Variants in ZNF385B observed in about 807,000 individuals in gnomAD.
ZNF385B encodes the protein zinc finger protein 385B, also known as zinc finger protein 533.
Under a neutral mutation model 39.2 loss-of-function variants are expected in ZNF385B, and 23 were observed. The ratio of observed to expected loss-of-function variants is 0.59; its 90% CI spans 0.42 to 0.83. The LOEUF (loss-of-function observed/expected upper bound fraction) is 0.83, where lower values mean the gene tolerates loss of function less well. Among genes scored for constraint, ZNF385B ranks in the 40% least tolerant of loss-of-function variants. The pLI is 0.00. For missense variants in ZNF385B, 552 were observed against 598.9 expected, an observed-to-expected ratio of 0.92 and a Z score of 0.82; for synonymous variants, 205 against 222.6, an observed-to-expected ratio of 0.92 and a Z score of 0.70.
intron 6 of ZNF385B, among the ~76,000 whole-genome samples, chr2:179,454,335 G>A (rs1437804491): frequency 1.3e-5 from 2 of 152,130 alleles, no homozygotes; most frequent in Non-Finnish European, 2.9e-5. Context: ...ATGTGCTTAT[G>A]GTGATTCTGG....
At chr2:179,729,032 G>A (rs17772551) in intron 3 of ZNF385B, among the ~76,000 whole-genome samples, 17,689 of 147,480 alleles carry the variant, frequency 0.12, 1,254 homozygotes, top group Non-Finnish European at 0.16. Flanking sequence ...ACATAGTGAA[G>A]TAAAAACACG....
chr2:179,839,342 G>C (rs896216385), intron 1 of ZNF385B, among the ~76,000 whole-genome samples: 1 of 152,066 alleles, frequency 6.6e-6, no homozygotes, highest in African/African-American at 2.4e-5. Flanking sequence ...ACACCAACTT[G>C]GAGCTCTCTT....
At chr2:179,747,207 A>G (rs144312723) in intron 3 of ZNF385B, among the ~76,000 whole-genome samples, 184 of 152,286 alleles carry the variant, frequency 1.2e-3, no homozygotes, top group African/African-American at 4.1e-3. Flanking sequence ...TACGTAACAC[A>G]GCATTCTGGA....
Position 179,443,046 on chromosome 2 carries a change from T to C in ZNF385B, c.*204A>G. The C allele has an allele frequency of 4.6e-6, 3 of 653,810 alleles. No individual in the cohort carries two copies. The highest frequency in any genetic ancestry group is 8.1e-6 in the Non-Finnish European group (3 of 369,824). 40.5% of individuals were successfully genotyped at this position (653,810 alleles called of 1,614,324 possible). On this transcript the variant is annotated 3_prime_UTR_variant, in exon 10 of 10. Transcript: ENST00000410066. The stretch of plus-strand genomic sequence containing the variant: ...AGTAGGGAGATAAAGCCTATGCTGC[T>C]GATTCCTCAATTATAGGAGCAGTCT...
At chr2:179,464,459 C>T (rs1279916667) in intron 6 of ZNF385B, among the ~76,000 whole-genome samples, 10 of 152,062 alleles carry the variant, frequency 6.6e-5, no homozygotes, top group Admixed American at 6.6e-4. Context: ...CCAGGTTTTC[C>T]TCTAGGATTT....
At chr2:179,597,817 G>T (rs1688115588) in intron 3 of ZNF385B, among the ~76,000 whole-genome samples, 1 of 151,938 alleles carries the variant, frequency 6.6e-6, no homozygotes, top group Non-Finnish European at 1.5e-5. Flanking sequence ...TTTTTTCTTG[G>T]TTTGAAGTTC....
chr2:179,606,301 C>T (rs1044387571), intron 3 of ZNF385B, among the ~76,000 whole-genome samples: 2 of 152,140 alleles, frequency 1.3e-5, no homozygotes, highest in Non-Finnish European at 2.9e-5. Flanking sequence ...AGCTGACCAA[C>T]ATCACGTGCC....
At position 179,445,742 on chromosome 2, in the gene ZNF385B, A is replaced by G. The variant is rs1488952311; in HGVS notation, c.962-14T>C. 5.0e-6 allele frequency: 8 copies of G among 1,585,336 alleles called. No individual in the cohort carries two copies. Among genetic ancestry groups the G allele is most frequent in the South Asian group, 3.5e-5 (3 of 85,710 alleles). On this transcript the variant is annotated splice_polypyrimidine_tract_variant and intron_variant, in intron 7 of 9. Coordinates refer to ENST00000410066, the MANE Select transcript of ZNF385B (RefSeq NM_152520.6). ...TGTGTTTAGATCCTAAGACAGAAAG[A>G]GACACATATTAAATAGCTATCCAAG... is the stretch of plus-strand genomic sequence containing the variant.
In ZNF385B at chr2:179,531,133, A is replaced by T. The variant is rs2059225379; in HGVS notation, c.442-12495T>A. Among the ~76,000 whole-genome samples, 3 of 152,172 alleles carry T rather than the reference A, an allele frequency of 2.0e-5. No homozygotes were observed. The South Asian group carries it at 6.2e-4, about 31-fold the overall frequency. On this transcript the variant is annotated intron_variant, in intron 4 of 9. Transcript: ENST00000410066. ...CGCTTGAAAATGAAGAAAGATTTGG[A>T]GAATTTTAGTGACTTGTTTGAGCCT...
chr2:179,686,163 G>A (rs190979241), intron 3 of ZNF385B, among the ~76,000 whole-genome samples: 1 of 152,258 alleles, frequency 6.6e-6, no homozygotes, highest in Admixed American at 6.5e-5. Context: ...CCCTTTACTT[G>A]AGCACTAACC....
chr2:179,651,833 G>A (rs545310151), intron 3 of ZNF385B, among the ~76,000 whole-genome samples: 1 of 152,248 alleles, frequency 6.6e-6, no homozygotes, highest in East Asian at 1.9e-4. Flanking sequence ...CAGTCTCTGT[G>A]GATGTTGTGG....
chr2:179,562,411 G>C, intron 3 of ZNF385B: 1 of 985,324 alleles, frequency 1.0e-6, no homozygotes. Context: ...TTGTTTTTAA[G>C]GTTACAGTCC....
At position 179,666,309 on chromosome 2, in the gene ZNF385B, T is replaced by C. The variant is rs181208926; in HGVS notation, c.298+103194A>G. Among the ~76,000 whole-genome samples the C allele has an allele frequency of 1.4e-3, 217 of 152,334 alleles. 1 individual carries two copies. Among genetic ancestry groups the C allele is most frequent in the African/African-American group, 4.9e-3 (204 of 41,570 alleles). On this transcript the variant is annotated intron_variant, in intron 3 of 9. Transcript: ENST00000410066. ...AGCTGAAGTCAAAACTGCTGAAATA[T>C]CGTCTGAGAGGCATATGGCAATAGC... is the stretch of plus-strand genomic sequence containing the variant.
chr2:179,445,846 G>A, intron 7 of ZNF385B, 118 bp from the exon 8 acceptor site: 2 of 992,050 alleles, frequency 2.0e-6, no homozygotes, highest in Non-Finnish European at 2.8e-6. Context: ...TTTTAAAAAT[G>A]ATCACTTTAA....
chr2:179,720,930 T>G (rs969462682), intron 3 of ZNF385B, among the ~76,000 whole-genome samples: 5 of 143,116 alleles, frequency 3.5e-5, no homozygotes, highest in African/African-American at 1.0e-4. Flanking sequence ...TGGCTGTTTT[T>G]TTTTTTTTTT....
chr2:179,503,842 G>A (rs2056982148), intron 5 of ZNF385B, among the ~76,000 whole-genome samples: 1 of 135,628 alleles, frequency 7.4e-6, no homozygotes, highest in South Asian at 2.4e-4. Flanking sequence ...ATTCCATGGT[G>A]TATATGTGCC....
rs2049208448 is a variant in ZNF385B, at chr2:179,443,914, A to G, written c.1243-446T>C. 1.3e-5 allele frequency among the ~76,000 whole-genome samples: 2 copies of G among 152,218 alleles called. 1 individual carries two copies. Among genetic ancestry groups the G allele is most frequent in the South Asian group, 4.1e-4 (2 of 4,824 alleles). ...TGCATTGAGGTTAGGTAATGAGTTC[A>G]GGACTTTAGGGACCCTGAAGAGTCA... On this transcript the variant is annotated intron_variant, in intron 9 of 9. Coordinates refer to ENST00000410066, the MANE Select transcript of ZNF385B (RefSeq NM_152520.6).
At chr2:179,530,492 T>A (rs1267966573) in intron 4 of ZNF385B, among the ~76,000 whole-genome samples, 1 of 152,162 alleles carries the variant, frequency 6.6e-6, no homozygotes, top group Non-Finnish European at 1.5e-5. Context: ...TAAAAATCAA[T>A]ACATCTCCTG....
At chr2:179,488,626 T>C (rs1316013912) in intron 5 of ZNF385B, among the ~76,000 whole-genome samples, 1 of 149,988 alleles carries the variant, frequency 6.7e-6, no homozygotes, top group South Asian at 2.1e-4. Context: ...GAACCAACCT[T>C]TTTTTGCATT....
Sources: gnomAD v4.1 joint callset for allele counts (sites outside exome capture counted in the v4.1 genomes callset) on GRCh38, gnomAD v4.1.1 for gene constraint, MANE v1.5 for transcripts, NCBI Gene and HGNC (gene_info 2026-07-23, HGNC 2026-07-21) for gene names.